PKHD1L1: variants seen among roughly 807,000 people sequenced by gnomAD.
PKHD1L1 encodes the protein PKHD1 like 1.
PKHD1L1 carries 434 observed loss-of-function variants against 462.9 expected under a neutral mutation model. The observed-to-expected ratio is 0.94, with a 90% CI of 0.87 to 1.02. The LOEUF is 1.02. PKHD1L1 is among the 50% of genes least tolerant of loss of function. The probability of loss-of-function intolerance (pLI) is 0.00; values close to 1 mark genes in which losing one functional copy is unlikely to be tolerated. For synonymous variants in PKHD1L1, 1,781 were observed against 1,750.0 expected, an observed-to-expected ratio of 1.02 and a Z score of -0.44; for missense variants, 5,202 against 5,096.1, an observed-to-expected ratio of 1.02 and a Z score of -0.63.
chr8:109,400,305 T>C lies in PKHD1L1; in HGVS notation c.1242T>C (p.Tyr414=), dbSNP rs953541549. 16 of 1,613,332 alleles carry C rather than the reference T, an allele frequency of 9.9e-6. No homozygotes were observed. The highest frequency in any genetic ancestry group is 1.4e-5 in the Non-Finnish European group (16 of 1,179,522). Reference sequence around the variant, plus strand: ...TCTACATCAAGGGTGATGACCGTTATGCTATTTATTTTAGCCAGACTGGAC... The same window carrying C: ...TCTACATCAAGGGTGATGACCGTTACGCTATTTATTTTAGCCAGACTGGAC... ...YRFYIKGDDR[Y]AIYFSQTGLP... is the part of the protein sequence containing the mutation. Residue 414 remains tyrosine, a synonymous_variant, in exon 13 of 78, where the codon TAT becomes TAC. Coordinates refer to ENST00000378402, the MANE Select transcript of PKHD1L1 (RefSeq NM_177531.6).
chr8:109,472,522 T>C (rs1034378714), intron 50 of PKHD1L1, among the ~76,000 whole-genome samples: 1 of 152,218 alleles, frequency 6.6e-6, no homozygotes, highest in African/African-American at 2.4e-5. Flanking sequence ...AGATTTTTTA[T>C]TGAGTTACTA....
intron 4 of PKHD1L1, among the ~76,000 whole-genome samples, chr8:109,383,225 T>TATTATATTATATATATA (rs1315298529): frequency 1.1e-5 from 1 of 93,262 alleles, no homozygotes; most frequent in Non-Finnish European, 2.0e-5. Context: ...TAATTATATA[T>TATTATATTATATATATA]TATATATAGT....
chr8:109,442,092 G>A lies in PKHD1L1; in HGVS notation c.4290G>A (p.Pro1430=), dbSNP rs776923220. 5.1e-5 allele frequency: 82 copies of A among 1,613,258 alleles called. No homozygotes were observed. Among genetic ancestry groups the A allele is most frequent in the Admixed American group, 1.0e-4 (6 of 59,948 alleles). Residue 1430 remains proline, a synonymous_variant, in exon 35 of 78, where the codon CCG becomes CCA. Transcript: ENST00000378402. ...TGGCATGGCATTGGCAAACACATCC[G>A]TTTCTTAGAGGGATAGGATATAGGA... ...DTVAWHWQTH[P]FLRGIGYRIF...
chr8:109,435,497 T>C, intron 29 of PKHD1L1, 143 bp downstream of exon 29: 1 of 869,682 alleles, frequency 1.1e-6, no homozygotes, highest in Non-Finnish European at 1.7e-6. Flanking sequence ...GAAGGTACAG[T>C]GATTAAATGG....
chr8:109,370,481 TTTTA>T (rs1171165350), intron 2 of PKHD1L1, among the ~76,000 whole-genome samples: 2 of 151,398 alleles, frequency 1.3e-5, no homozygotes, highest in Non-Finnish European at 2.9e-5. Context: ...TTATATTTTA[TTTTA>T]TTTATTTTAT....
In PKHD1L1 at chr8:109,429,296, ATTTG is replaced by A. The variant is rs549363279; in HGVS notation, c.3001-41_3001-38del. On this transcript the variant is annotated intron_variant, in intron 25 of 77. Transcript: ENST00000378402. ...TAAAATGAAAAACTAGTGTCGTCAT[ATTTG>A]TTATAACCTTTCTAGTAAAATAATT... 348 of 1,412,022 alleles carry A rather than the reference ATTTG, an allele frequency of 2.5e-4. 1 individual carries two copies. In the Middle Eastern group the frequency reaches 4.6e-3, roughly 19 times the overall value. 87.5% of individuals were successfully genotyped at this position (1,412,022 alleles called of 1,614,324 possible). A position where few individuals can be genotyped will look rare whatever the true frequency, so the allele number is the denominator to read the frequency against.
chr8:109,475,173 G>A lies in PKHD1L1; in HGVS notation c.8661G>A (p.Met2887Ile), dbSNP rs372324095. The A allele has an allele frequency of 3.1e-6, 5 of 1,612,548 alleles. No individual in the cohort carries two copies. The African/African-American group carries it at 6.7e-5, about 22-fold the overall frequency. Residue 2887 changes from methionine (M) to isoleucine (I), a missense_variant, in exon 51 of 78, where the codon ATG (methionine) becomes ATA (isoleucine). Coordinates refer to ENST00000378402, the MANE Select transcript of PKHD1L1 (RefSeq NM_177531.6). ...KKRLTHMSGW[M>I]ALIPNANHIN... ...GACTGACTCATATGTCTGGATGGAT[G>A]GCTCTGATTCCAAATGCAAATCACA...
rs1370662095 is a variant in PKHD1L1, at chr8:109,461,818, A to G, written c.7293A>G (p.Glu2431=). ...QTCLQGKFGE[E]IGSDQFGGCV... is the part of the protein sequence containing the mutation. ...GTCTCCAAGGAAAGTTTGGAGAAGA[A>G]ATAGGAAGTGACCAATTTGGAGGCT... Residue 2431 remains glutamate (E), a synonymous_variant, in exon 48 of 78, where the codon GAA becomes GAG. Transcript: ENST00000378402. The G allele has an allele frequency of 6.2e-7, 1 of 1,609,346 alleles. No individual in the cohort carries two copies. Among genetic ancestry groups the G allele is most frequent in the Non-Finnish European group, 8.5e-7 (1 of 1,177,700 alleles).
intron 63 of PKHD1L1, among the ~76,000 whole-genome samples, chr8:109,494,943 T>G (rs1388073562): frequency 6.6e-6 from 1 of 151,962 alleles, no homozygotes; most frequent in Non-Finnish European, 1.5e-5. Context: ...GAGAAATGTA[T>G]GTCCCTTCCA....
chr8:109,445,715 TG>T (rs1205975234), intron 38 of PKHD1L1, 70 bp downstream of exon 38: 67 of 1,389,358 alleles, frequency 4.8e-5, no homozygotes, highest in Non-Finnish European at 6.5e-5. Flanking sequence ...GGAATTGGAA[TG>T]ATATTTGTAA....
intron 32 of PKHD1L1, among the ~76,000 whole-genome samples, chr8:109,439,879 T>C (rs574499730): frequency 6.6e-6 from 1 of 152,242 alleles, no homozygotes; most frequent in South Asian, 2.1e-4. Context: ...TTGCAAGAAG[T>C]AAATGAAGAT....
chr8:109,514,263 C>G (rs182380586), intron 71 of PKHD1L1, among the ~76,000 whole-genome samples: 1 of 152,164 alleles, frequency 6.6e-6, no homozygotes, highest in Non-Finnish European at 1.5e-5. Flanking sequence ...GATCACGCCT[C>G]CTTGCTTGGC....
chr8:109,468,028 T>C (rs1817540888), intron 50 of PKHD1L1, among the ~76,000 whole-genome samples: 1 of 152,186 alleles, frequency 6.6e-6, no homozygotes, highest in African/African-American at 2.4e-5. Context: ...ATGCTATCAA[T>C]ATTGTTGAAT....
Position 109,440,705 on chromosome 8 carries a change from C to A in PKHD1L1, c.3957-5C>A. ...ATTGAAAAATCTATTCATTTTTTTT[C>A]TCAGAGACAAATTAAATTCTTCAAT... is the stretch of plus-strand genomic sequence containing the variant. On this transcript the variant is annotated splice_region_variant and splice_polypyrimidine_tract_variant and intron_variant, in intron 32 of 77. Coordinates refer to ENST00000378402, the MANE Select transcript of PKHD1L1 (RefSeq NM_177531.6). The A allele has an allele frequency of 1.2e-6, 2 of 1,600,250 alleles. No individual in the cohort carries two copies. Among genetic ancestry groups the A allele is most frequent in the Admixed American group, 1.7e-5 (1 of 58,382 alleles).
intron 59 of PKHD1L1, among the ~76,000 whole-genome samples, chr8:109,488,893 AACAG>A (rs769065583): frequency 4.4e-5 from 3 of 68,230 alleles, no homozygotes; most frequent in Non-Finnish European, 7.1e-5. Context: ...AAGATGAACA[AACAG>A]ATGATTAAAG....
At chr8:109,522,100 C>A in intron 73 of PKHD1L1, 86 bp from the exon 74 acceptor site, 1 of 1,320,996 alleles carries the variant, frequency 7.6e-7, no homozygotes, top group Non-Finnish European at 1.0e-6. Flanking sequence ...TGGAGCAATG[C>A]AAAGAATGCT....
intron 68 of PKHD1L1, among the ~76,000 whole-genome samples, chr8:109,506,272 CAG>C (rs1224093982): frequency 6.6e-6 from 1 of 152,124 alleles, no homozygotes; most frequent in Non-Finnish European, 1.5e-5. Context: ...CATGGCTTTT[CAG>C]AACTTTGCTC....
At chr8:109,434,739 G>T (rs938396848) in intron 28 of PKHD1L1, among the ~76,000 whole-genome samples, 1 of 152,116 alleles carries the variant, frequency 6.6e-6, no homozygotes, top group Non-Finnish European at 1.5e-5. Flanking sequence ...AAAGTGCCGG[G>T]ATTACAGGCG....
rs866576392 is a variant in PKHD1L1 at position 109,496,959 on chromosome 8, C to T, written c.10368C>T (p.Ala3456=). 1.2e-6 allele frequency: 2 copies of T among 1,613,294 alleles called. No individual in the cohort carries two copies. The highest frequency in any genetic ancestry group is 1.7e-6 in the Non-Finnish European group (2 of 1,179,522). The change falls in exon 64 of 78, where the codon GCC becomes GCT. Residue 3456 remains alanine (A), a synonymous_variant. Coordinates refer to ENST00000378402, the MANE Select transcript of PKHD1L1 (RefSeq NM_177531.6). ...TGGAAAAGTGGTTTGACAATGAAGC[C>T]CATGGAGGTTTATATGGGATCTATA... The part of the protein sequence containing the change: ...NPVEKWFDNE[A]HGGLYGIYMN...
Sources: gnomAD v4.1 joint callset for allele counts (sites outside exome capture counted in the v4.1 genomes callset) on GRCh38, gnomAD v4.1.1 for gene constraint, MANE v1.5 for transcripts, NCBI Gene and HGNC (gene_info 2026-07-23, HGNC 2026-07-21) for gene names.